TRIM24: variants seen among roughly 807,000 people sequenced by gnomAD.
TRIM24 encodes transcription intermediary factor 1-alpha.
TRIM24 carries 29 observed loss-of-function variants against 123.9 expected under a neutral mutation model. The ratio of observed to expected loss-of-function variants is 0.23; its 90% CI spans 0.17 to 0.32. The LOEUF (loss-of-function observed/expected upper bound fraction) is 0.32. Among genes scored for constraint, TRIM24 ranks in the 10% least tolerant of loss-of-function variants. TRIM24 has a pLI of 1.00. For synonymous variants in TRIM24, 456 were observed against 461.1 expected (o/e 0.99, Z 0.14); for missense variants, 932 against 1,295.3 (o/e 0.72, Z 4.31).
In TRIM24 at chr7:138,586,845, ATTATT is replaced by A. The variant is rs1161584148; in HGVS notation, c.*1897_*1901del. ...AGTTAAAACAGAGCAAAACAGATAA[ATTATT>A]TTGAGAATCATCACAAAAGGGAGTT... On this transcript the variant is annotated 3_prime_UTR_variant, in exon 19 of 19. Transcript: ENST00000343526. 3 of 152,254 alleles carry A rather than the reference ATTATT, an allele frequency of 2.0e-5. No homozygotes were observed. Among genetic ancestry groups the A allele is most frequent in the Non-Finnish European group, 2.9e-5 (2 of 68,042 alleles). 9.4% of individuals were successfully genotyped at this position (152,254 alleles called of 1,614,324 possible). A position where few individuals can be genotyped will look rare whatever the true frequency, so the allele number is the denominator to read the frequency against.
At chr7:138,462,172 C>T (rs888040213) in intron 1 of TRIM24, among the ~76,000 whole-genome samples, 2 of 152,116 alleles carry the variant, frequency 1.3e-5, no homozygotes, top group Admixed American at 6.5e-5. Flanking sequence ...TAACGTCTCC[C>T]TCTGGAGCGA....
rs75228142 is a variant in TRIM24, at chr7:138,589,506, G to A, written c.*4555G>A. 2,047 of 152,198 alleles carry A rather than the reference G, an allele frequency of 0.013. 39 individuals carry two copies. Among genetic ancestry groups the A allele is most frequent in the African/African-American group, 0.046 (1,921 of 41,518 alleles). 9.4% of individuals were successfully genotyped at this position (152,198 alleles called of 1,614,324 possible). A position where few individuals can be genotyped will look rare whatever the true frequency, so the allele number is the denominator to read the frequency against. ...AGCTGTAACATTGATCCATATAGGGGCAAGCTACTAGTCCATAAATAGCTG... is the reference window on the plus strand; with the variant it reads ...AGCTGTAACATTGATCCATATAGGGACAAGCTACTAGTCCATAAATAGCTG... On this transcript the variant is annotated 3_prime_UTR_variant, in exon 19 of 19. Transcript: ENST00000343526.
intron 1 of TRIM24, among the ~76,000 whole-genome samples, chr7:138,484,486 G>A (rs1795603576): frequency 6.6e-6 from 1 of 151,728 alleles, no homozygotes; most frequent in Admixed American, 6.6e-5. Context: ...CTGTTAGGTG[G>A]TGAGTTCTAA....
At chr7:138,481,245 C>A (rs551519755) in intron 1 of TRIM24, among the ~76,000 whole-genome samples, 7 of 151,692 alleles carry the variant, frequency 4.6e-5, no homozygotes, top group South Asian at 2.1e-4. Context: ...CCTGCCTTGG[C>A]CTCCCAAGTT....
intron 9 of TRIM24, chr7:138,556,336 TG>T (rs1375397934): frequency 3.3e-5 from 5 of 152,146 alleles, no homozygotes; most frequent in Non-Finnish European, 7.3e-5. Flanking sequence ...TGGCCACTCT[TG>T]AAAGTTAATG....
Position 138,506,206 on chromosome 7 carries a change from G to C in TRIM24, c.483+1798G>C, listed in dbSNP as rs76205075. On this transcript the variant is annotated intron_variant, in intron 2 of 18. Transcript: ENST00000343526. Reference sequence around the variant, plus strand: ...GAAAGTATCCACAATTCTTCCTGATGTGAACCTTGTCAAAGGCCAAAACAG... The same window carrying C: ...GAAAGTATCCACAATTCTTCCTGATCTGAACCTTGTCAAAGGCCAAAACAG... 5.6e-3 allele frequency among the ~76,000 whole-genome samples: 847 copies of C among 152,300 alleles called. 5 individuals are homozygous for C. Among genetic ancestry groups the C allele is most frequent in the African/African-American group, 0.02 (813 of 41,560 alleles).
At chr7:138,531,246 A>G (rs1037006224) in intron 6 of TRIM24, among the ~76,000 whole-genome samples, 1 of 147,082 alleles carries the variant, frequency 6.8e-6, no homozygotes, top group Non-Finnish European at 1.5e-5. Context: ...TACACGTTAC[A>G]TGTTACATAT....
intron 7 of TRIM24, among the ~76,000 whole-genome samples, chr7:138,541,829 A>T (rs1396673685): frequency 6.6e-6 from 1 of 152,206 alleles, no homozygotes; most frequent in Non-Finnish European, 1.5e-5. Context: ...CTTTTGATTA[A>T]CTTGCTGCAG....
At chr7:138,492,671 T>C (rs1244583427) in intron 1 of TRIM24, among the ~76,000 whole-genome samples, 1 of 152,188 alleles carries the variant, frequency 6.6e-6, no homozygotes, top group Non-Finnish European at 1.5e-5. Flanking sequence ...AAATGGACTG[T>C]GCCAGCCATC....
In TRIM24 at chr7:138,498,747, ACCT is replaced by A. The variant is rs199719749; in HGVS notation, c.365-5533_365-5531del. ...CTGCCTCCTGGGTTCAAGCAATGCT[ACCT>A]CCTCCTCCTGAGTAGCTGGGATTAT... On this transcript the variant is annotated intron_variant, in intron 1 of 18. Transcript: ENST00000343526. Among the ~76,000 whole-genome samples the A allele has an allele frequency of 9.5e-3, 1,438 of 150,790 alleles. 33 individuals are homozygous for A. The highest frequency in any genetic ancestry group is 0.04 in the Admixed American group (599 of 15,088).
intron 4 of TRIM24, among the ~76,000 whole-genome samples, chr7:138,521,959 C>T (rs1052786667): frequency 1.8e-4 from 28 of 152,162 alleles, no homozygotes; most frequent in African/African-American, 6.7e-4. Flanking sequence ...GAAAATCTTA[C>T]CACTTTATGC....
intron 1 of TRIM24, among the ~76,000 whole-genome samples, chr7:138,474,371 C>T (rs547245870): frequency 2.2e-4 from 34 of 151,606 alleles, no homozygotes; most frequent in African/African-American, 5.1e-4. Context: ...GTGATCTACC[C>T]GCCTCAGCCT....
At chr7:138,490,663 TA>T in intron 1 of TRIM24, 1 of 376,314 alleles carries the variant, frequency 2.7e-6, no homozygotes, top group East Asian at 7.2e-5. Context: ...CCAGCACTGC[TA>T]CCTTCACTGT....
intron 6 of TRIM24, among the ~76,000 whole-genome samples, chr7:138,532,452 G>A (rs1403080045): frequency 6.6e-6 from 1 of 152,134 alleles, no homozygotes; most frequent in Admixed American, 6.5e-5. Flanking sequence ...AGTTTTCCCA[G>A]CACCATTTAT....
chr7:138,584,399 GTT>G (rs1797969602), intron 18 of TRIM24, among the ~76,000 whole-genome samples: 1 of 152,108 alleles, frequency 6.6e-6, no homozygotes, highest in Non-Finnish European at 1.5e-5. Flanking sequence ...GCTGCTGGTG[GTT>G]TGTTCTCTGT....
At chr7:138,543,035 T>C (rs1207570993) in intron 7 of TRIM24, among the ~76,000 whole-genome samples, 2 of 152,212 alleles carry the variant, frequency 1.3e-5, no homozygotes, top group Non-Finnish European at 2.9e-5. Context: ...GTTTTTCAAC[T>C]TAATCCATCA....
At chr7:138,501,573 G>A (rs1021753746) in intron 1 of TRIM24, among the ~76,000 whole-genome samples, 1 of 151,928 alleles carries the variant, frequency 6.6e-6, no homozygotes, top group Non-Finnish European at 1.5e-5. Context: ...ACATATATGC[G>A]ATCCATTGTT....
intron 9 of TRIM24, chr7:138,556,438 A>T (rs1563058677): frequency 6.6e-6 from 1 of 152,206 alleles, no homozygotes; most frequent in Non-Finnish European, 1.5e-5. Context: ...GAATAAAAAT[A>T]ATAAAGAGGA....
At chr7:138,495,088 T>C (rs1795873493) in intron 1 of TRIM24, among the ~76,000 whole-genome samples, 2 of 152,092 alleles carry the variant, frequency 1.3e-5, no homozygotes, top group Admixed American at 1.3e-4. Context: ...AAAGAACTTC[T>C]AGGAAAAAGG....
Sources: gnomAD v4.1 joint callset for allele counts (sites outside exome capture counted in the v4.1 genomes callset) on GRCh38, gnomAD v4.1.1 for gene constraint, MANE v1.5 for transcripts, NCBI Gene and HGNC (gene_info 2026-07-23, HGNC 2026-07-21) for gene names.